PDGFRA: variants seen among roughly 807,000 people sequenced by gnomAD.
The protein encoded by PDGFRA is platelet-derived growth factor receptor alpha.
A neutral mutation model predicts 121.5 loss-of-function variants in PDGFRA; 25 were observed. That is an observed-to-expected ratio of 0.21 (90% CI 0.15 to 0.29). The LOEUF (loss-of-function observed/expected upper bound fraction) is 0.29. Ranked by LOEUF, PDGFRA falls within the 10% of genes least tolerant of loss-of-function variation. The pLI, the probability that PDGFRA is intolerant of heterozygous loss-of-function variation, is 1.00. For synonymous variants in PDGFRA, 463 were observed against 494.8 expected (o/e 0.94, Z 0.85); for missense variants, 1,008 against 1,345.1 (o/e 0.75, Z 3.92).
At chr4:54,275,998 G>T (rs1038051223) in intron 12 of PDGFRA, among the ~76,000 whole-genome samples, 35 of 152,196 alleles carry the variant, frequency 2.3e-4, no homozygotes, top group Admixed American at 2.3e-3. Flanking sequence ...TTAGCTACAA[G>T]ATTAGAAAGT....
chr4:54,254,074 A>G (rs1188317731), intron 1 of PDGFRA, among the ~76,000 whole-genome samples: 1 of 152,196 alleles, frequency 6.6e-6, no homozygotes, highest in Non-Finnish European at 1.5e-5. Context: ...GGTGAGCTCC[A>G]GAATAGCATT....
At chr4:54,279,312 T>C (rs1196130810) in intron 15 of PDGFRA, among the ~76,000 whole-genome samples, 2 of 152,202 alleles carry the variant, frequency 1.3e-5, no homozygotes, top group African/African-American at 4.8e-5. Flanking sequence ...GTAGTCATCA[T>C]GGCAGCTGAC....
chr4:54,273,266 T>G (rs1449730243), intron 9 of PDGFRA, among the ~76,000 whole-genome samples: 2 of 152,192 alleles, frequency 1.3e-5, no homozygotes, highest in Non-Finnish European at 2.9e-5. Flanking sequence ...AGGTTCAAGA[T>G]TGGGGAATGG....
rs1724935994 is a variant in PDGFRA, at chr4:54,297,575, T to C, written c.*2303T>C. 4.3e-6 allele frequency: 1 copy of C among 233,580 alleles called. No homozygotes were observed. Among genetic ancestry groups the C allele is most frequent in the Non-Finnish European group, 8.5e-6 (1 of 118,060 alleles). 14.5% of individuals were successfully genotyped at this position (233,580 alleles called of 1,614,324 possible). ...TTGCTGTGAGCCTTGCATGACATCATGAGGCCGGATGAAACTTCTCAGTCC... is the reference window on the plus strand; with the variant it reads ...TTGCTGTGAGCCTTGCATGACATCACGAGGCCGGATGAAACTTCTCAGTCC... On this transcript the variant is annotated 3_prime_UTR_variant, in exon 23 of 23. Transcript: ENST00000257290.
Position 54,265,022 on chromosome 4 carries a change from C to T in PDGFRA, c.732C>T (p.Asp244=). 6.2e-7 allele frequency: 1 copy of T among 1,613,654 alleles called. No homozygotes were observed. The highest frequency in any genetic ancestry group is 1.3e-5 in the African/African-American group (1 of 74,966). ...TCAVFNNEVV[D]LQWTYPGEVK... is the part of the protein sequence containing the mutation. ...CTGTTTTTAACAATGAGGTGGTTGA[C>T]CTTCAATGGACTTACCCTGGAGAAG... Residue 244 remains aspartate (D), a synonymous_variant, in exon 5 of 23, where the codon GAC becomes GAT. Transcript: ENST00000257290.
intron 15 of PDGFRA, chr4:54,278,798 A>T (rs757498219): frequency 1.2e-5 from 7 of 571,658 alleles, no homozygotes; most frequent in African/African-American, 1.8e-5. Flanking sequence ...CATGTGATCC[A>T]CTTAGACCTA....
At chr4:54,258,939 A>G in intron 2 of PDGFRA, 122 bp downstream of exon 2, 1 of 828,170 alleles carries the variant, frequency 1.2e-6, no homozygotes. Flanking sequence ...AAGAAATAGA[A>G]AACTATAGGA....
chr4:54,246,374 A>T (rs932207926), intron 1 of PDGFRA, among the ~76,000 whole-genome samples: 1 of 152,222 alleles, frequency 6.6e-6, no homozygotes, highest in African/African-American at 2.4e-5. Context: ...TGTCTCTCAG[A>T]CCACAGTGCA....
At position 54,272,536 on chromosome 4, in the gene PDGFRA, G is replaced by A. The variant is rs761132122; in HGVS notation, c.1364+16G>A. ...ATATTAAGAAGTATGGAAAACAGAT[G>A]TGTCTTCTTCTTTCGTGGTCAGAAT... On this transcript the variant is annotated intron_variant, in intron 9 of 22. Transcript: ENST00000257290. 2.5e-6 allele frequency: 4 copies of A among 1,612,316 alleles called. No homozygotes were observed. The highest frequency in any genetic ancestry group is 2.2e-5 in the East Asian group (1 of 44,878).
intron 22 of PDGFRA, among the ~76,000 whole-genome samples, chr4:54,293,941 G>GTGTGTA (rs369207291): frequency 6.6e-6 from 1 of 151,314 alleles, no homozygotes; most frequent in Non-Finnish European, 1.5e-5. Flanking sequence ...GTGTGTGTGT[G>GTGTGTA]TTTTCCTCTT....
chr4:54,278,046 C>A (rs2110312703), intron 14 of PDGFRA, 40 bp downstream of exon 14: 1 of 1,189,258 alleles, frequency 8.4e-7, no homozygotes, highest in Non-Finnish European at 1.3e-6. Flanking sequence ...TCACTGGACA[C>A]ATGTGGTTGT....
At chr4:54,260,297 C>T (rs1722614658) in intron 2 of PDGFRA, among the ~76,000 whole-genome samples, 1 of 152,018 alleles carries the variant, frequency 6.6e-6, no homozygotes, top group African/African-American at 2.4e-5. Flanking sequence ...GACGGCATGC[C>T]CGAGGGCTAT....
At chr4:54,251,011 G>A (rs1458647606) in intron 1 of PDGFRA, among the ~76,000 whole-genome samples, 1 of 149,538 alleles carries the variant, frequency 6.7e-6, no homozygotes, top group Admixed American at 6.7e-5. Flanking sequence ...GTTGCAGTGA[G>A]CTGAGATCGC....
At chr4:54,233,597 T>A (rs1337533962) in intron 1 of PDGFRA, among the ~76,000 whole-genome samples, 1 of 152,140 alleles carries the variant, frequency 6.6e-6, no homozygotes, top group East Asian at 1.9e-4. Context: ...ACCTTTCCCC[T>A]CCTCCGGGCA....
At chr4:54,249,147 A>T (rs1026970327) in intron 1 of PDGFRA, among the ~76,000 whole-genome samples, 10 of 152,326 alleles carry the variant, frequency 6.6e-5, no homozygotes, top group African/African-American at 2.4e-4. Flanking sequence ...ACTGTAAACT[A>T]GTTCAACCCT....
intron 1 of PDGFRA, among the ~76,000 whole-genome samples, chr4:54,247,246 G>A (rs538298560): frequency 6.6e-6 from 1 of 152,258 alleles, no homozygotes; most frequent in South Asian, 2.1e-4. Context: ...TGATACCAAA[G>A]CCAGGCAGAG....
At chr4:54,251,417 T>A (rs1488791661) in intron 1 of PDGFRA, among the ~76,000 whole-genome samples, 1 of 152,228 alleles carries the variant, frequency 6.6e-6, no homozygotes, top group Admixed American at 6.5e-5. Context: ...CTCCAGAATT[T>A]GAAAACTATT....
intron 7 of PDGFRA, among the ~76,000 whole-genome samples, chr4:54,269,811 T>A (rs1048547073): frequency 1.4e-5 from 1 of 72,366 alleles, no homozygotes; most frequent in African/African-American, 1.2e-4. Flanking sequence ...CCTGGCTAAT[T>A]TTTTTTTTTT....
chr4:54,285,751 G>A, intron 17 of PDGFRA, 90 bp from the exon 18 acceptor site: 2 of 1,404,688 alleles, frequency 1.4e-6, no homozygotes, highest in East Asian at 4.6e-5. Context: ...ACAGCTCCAA[G>A]TGCCACCATG....
Sources: allele counts gnomAD v4.1 joint callset (sites outside exome capture counted in the v4.1 genomes callset), GRCh38; gene constraint gnomAD v4.1.1; transcripts MANE v1.5; gene names NCBI Gene and HGNC (gene_info 2026-07-23, HGNC 2026-07-21).